The following ABR variants were observed in gnomAD, a reference collection of about 807,000 sequenced individuals.
ABR encodes ABR activator of RhoGEF and GTPase.
In ABR, 35 loss-of-function variants were observed where a neutral mutation model predicts 107.2. The observed-to-expected ratio is 0.33, with a 90% CI of 0.25 to 0.43. The LOEUF is 0.43. Among genes scored for constraint, ABR ranks in the 20% least tolerant of loss-of-function variants. The probability of loss-of-function intolerance (pLI) is 1.00; values close to 1 mark genes in which losing one functional copy is unlikely to be tolerated. For missense variants in ABR, 815 were observed against 1,115.2 expected (o/e 0.73, Z 3.83); for synonymous variants, 498 against 462.0 (o/e 1.08, Z -1.00).
chr17:1,195,827 C>T (rs1012942303), intron 1 of ABR, among the ~76,000 whole-genome samples: 4 of 132,574 alleles, frequency 3.0e-5, no homozygotes, highest in Non-Finnish European at 6.4e-5. Flanking sequence ...TATTGGCCGG[C>T]GCGGTGGCTC....
At chr17:1,196,128 C>CA (rs71148443) in intron 1 of ABR, among the ~76,000 whole-genome samples, 6,109 of 123,772 alleles carry the variant, frequency 0.049, 526 homozygotes, top group African/African-American at 0.17. Flanking sequence ...GATTCTGTCT[C>CA]AAAAAAAAAA....
chr17:1,200,312 C>T lies in ABR; in HGVS notation c.838+28481G>A, dbSNP rs3885252. Among the ~76,000 whole-genome samples, 1 of 152,088 alleles carries T rather than the reference C, an allele frequency of 6.6e-6. No individual in the cohort carries two copies. ...CGCCTGTAATCCCAACACTTTCGGA[C>T]GATCGCTTGAAGCCAGGAGTTCAAG... On this transcript the variant is annotated intron_variant, in intron 1 of 22. Coordinates refer to the ABR transcript ENST00000574139. The surrounding 1 kb of genome is among the most constrained non-coding windows in gnomAD (Gnocchi z 4.1).
At position 1,050,527 on chromosome 17, in the gene ABR, T is replaced by C. The variant is rs932780649; in HGVS notation, c.1659+10A>G. On this transcript the variant is annotated intron_variant, in intron 15 of 22. Transcript: ENST00000302538. The surrounding 1 kb of genome is among the most constrained non-coding windows in gnomAD (Gnocchi z 4.6). ...GGGTCCCCACAGAGATGCCAGCCCC[T>C]GCCACTCACCTCATCCCACTTGGGC... 1 of 1,612,612 alleles carries C rather than the reference T, an allele frequency of 6.2e-7. No individual in the cohort carries two copies. Among genetic ancestry groups the C allele is most frequent in the Non-Finnish European group, 8.5e-7 (1 of 1,178,924 alleles).
At chr17:1,100,404 C>T (rs529337911) in intron 3 of ABR, among the ~76,000 whole-genome samples, 4 of 152,226 alleles carry the variant, frequency 2.6e-5, no homozygotes, top group Admixed American at 6.5e-5. Flanking sequence ...ATCTCTAAGC[C>T]GGGTGTGCTT....
At chr17:1,121,128 T>C (rs2039326728) in intron 2 of ABR, among the ~76,000 whole-genome samples, 1 of 152,200 alleles carries the variant, frequency 6.6e-6, no homozygotes, top group Non-Finnish European at 1.5e-5. Flanking sequence ...GCAGGGTTTA[T>C]GGGGCAGGGC....
At chr17:1,216,825 A>G (rs1403791748) in intron 1 of ABR, among the ~76,000 whole-genome samples, 2 of 152,236 alleles carry the variant, frequency 1.3e-5, no homozygotes, top group East Asian at 3.9e-4. Flanking sequence ...ATGAATAATT[A>G]ATTTCTGCGT....
intron 1 of ABR, among the ~76,000 whole-genome samples, chr17:1,217,616 T>C (rs2043037485): frequency 6.6e-6 from 1 of 152,218 alleles, no homozygotes; most frequent in African/African-American, 2.4e-5. Context: ...AGGAATTTGC[T>C]CAAGGTCACA....
intron 3 of ABR, among the ~76,000 whole-genome samples, chr17:1,098,044 A>G (rs2037591810): frequency 1.3e-5 from 2 of 151,718 alleles, no homozygotes; most frequent in East Asian, 3.9e-4. Context: ...GAATTTATGT[A>G]GGGCTTGCCC....
chr17:1,150,554 G>A lies in ABR; in HGVS notation c.62-25187C>T, dbSNP rs957689171. Among the ~76,000 whole-genome samples the A allele has an allele frequency of 1.3e-5, 2 of 152,156 alleles. No homozygotes were observed. The highest frequency in any genetic ancestry group is 2.1e-4 in the South Asian group (1 of 4,822). On this transcript the variant is annotated intron_variant, in intron 1 of 22. Transcript: ENST00000302538. The surrounding 1 kb of genome is among the most constrained non-coding windows in gnomAD (Gnocchi z 4.8). ...AGAGAGGCCCAGGAGGACGGGCCCC[G>A]GGCATGGCAAGCGCACTGCCCCCTC...
At chr17:1,111,857 C>A (rs1284434434) in intron 2 of ABR, among the ~76,000 whole-genome samples, 2 of 152,218 alleles carry the variant, frequency 1.3e-5, no homozygotes, top group Non-Finnish European at 2.9e-5. Flanking sequence ...CTAGCACCTG[C>A]CCCGGCCACT....
At chr17:1,143,925 A>C (rs1043081616) in intron 1 of ABR, among the ~76,000 whole-genome samples, 2 of 152,078 alleles carry the variant, frequency 1.3e-5, no homozygotes, top group Non-Finnish European at 2.9e-5. Context: ...AGTGTTTTAC[A>C]CGGTGAGCCC....
At chr17:1,095,145 A>G (rs577735686) in intron 3 of ABR, among the ~76,000 whole-genome samples, 37 of 152,342 alleles carry the variant, frequency 2.4e-4, no homozygotes, top group African/African-American at 7.7e-4. Flanking sequence ...GGAAGCAGGA[A>G]GGTCAGCAGT....
intron 1 of ABR, 114 bp from the exon 2 acceptor site, chr17:1,125,481 T>C: frequency 7.9e-7 from 1 of 1,258,994 alleles, no homozygotes. Flanking sequence ...GGCCGCACCA[T>C]CCACGCCTGG....
At chr17:1,162,231 C>G (rs1391760693) in intron 1 of ABR, among the ~76,000 whole-genome samples, 1 of 152,238 alleles carries the variant, frequency 6.6e-6, no homozygotes, top group Admixed American at 6.5e-5. Context: ...CGTGAACACA[C>G]GTCGCCAGCA....
At chr17:1,139,835 G>A (rs1206015821) in intron 1 of ABR, among the ~76,000 whole-genome samples, 1 of 152,116 alleles carries the variant, frequency 6.6e-6, no homozygotes, top group Non-Finnish European at 1.5e-5. Context: ...GCCCTGAGGG[G>A]TTCATATGGA....
intron 4 of ABR, 76 bp from the exon 5 acceptor site, chr17:1,083,703 C>T (rs554827951): frequency 9.6e-6 from 12 of 1,244,914 alleles, no homozygotes; most frequent in Admixed American, 8.5e-5. Context: ...GAAAGCTTCA[C>T]GGAGCACCGG....
rs2034650656 is a variant in ABR at position 1,065,719 on chromosome 17, A to C, written c.1182+1358T>G. Among the ~76,000 whole-genome samples the C allele has an allele frequency of 3.4e-5, 5 of 147,412 alleles. No individual in the cohort carries two copies. The South Asian group carries it at 1.1e-3, about 32-fold the overall frequency. On this transcript the variant is annotated intron_variant, in intron 10 of 22. Transcript: ENST00000302538. ...ATTTTGATTTCCTCTTTACCTTGTC[A>C]GTTTGAACTTTCCAAACCAATGCTT...
rs1238810611 is a variant in ABR at position 1,058,754 on chromosome 17, C to A, written c.1296G>T (p.Arg432=). 6.2e-7 allele frequency: 1 copy of A among 1,613,840 alleles called. No homozygotes were observed. Among genetic ancestry groups the A allele is most frequent in the Non-Finnish European group, 8.5e-7 (1 of 1,179,894 alleles). ...CCCCACCCATCCTGACCTTTCCATTCCGATTGTGGATCCTGAACGGGATTG... is the reference window on the plus strand; with the variant it reads ...CCCCACCCATCCTGACCTTTCCATTACGATTGTGGATCCTGAACGGGATTG... ...SPTIPFRIHN[R]NGKSYLFLLS... Residue 432 remains arginine, a synonymous_variant, in exon 11 of 23, where the codon CGG becomes CGT. Coordinates refer to ENST00000302538, the MANE Select transcript of ABR (RefSeq NM_021962.5).
upstream of ABR, among the ~76,000 whole-genome samples, chr17:1,190,939 G>T (rs1275076364): frequency 6.6e-6 from 1 of 152,134 alleles, no homozygotes; most frequent in African/African-American, 2.4e-5. Flanking sequence ...ATGGATTCTG[G>T]GCCCTCACGC....
Sources: gnomAD v4.1 joint callset for allele counts (sites outside exome capture counted in the v4.1 genomes callset) on GRCh38, gnomAD v4.1.1 for gene constraint, Gnocchi (gnomAD v3.1) non-coding constraint, MANE v1.5 for transcripts, NCBI Gene and HGNC (gene_info 2026-07-23, HGNC 2026-07-21) for gene names.